RELL1: variants seen among roughly 807,000 people sequenced by gnomAD.
RELL1 encodes the protein RELT-like protein 1.
Under a neutral mutation model 23.0 loss-of-function variants are expected in RELL1, and 10 were observed. That is an observed-to-expected ratio of 0.43 (90% CI 0.27 to 0.74). RELL1 has a LOEUF of 0.74. Ranked by LOEUF, RELL1 falls within the 30% of genes least tolerant of loss-of-function variation. The pLI, the probability that RELL1 is intolerant of heterozygous loss-of-function variation, is 0.19. For missense variants in RELL1, 315 were observed against 364.4 expected, an observed-to-expected ratio of 0.86 and a Z score of 1.10; for synonymous variants, 146 against 146.8, an observed-to-expected ratio of 0.99 and a Z score of 0.04.
At chr4:37,596,748 T>A (rs1339068374) in intron 6 of RELL1, among the ~76,000 whole-genome samples, 174 of 53,490 alleles carry the variant, frequency 3.3e-3, no homozygotes, top group African/African-American at 0.012. Context: ...TTTTTTTTTT[T>A]TTTTTTTTTT....
At chr4:37,604,373 T>C (rs1418790094) in intron 6 of RELL1, among the ~76,000 whole-genome samples, 1 of 152,148 alleles carries the variant, frequency 6.6e-6, no homozygotes, top group African/African-American at 2.4e-5. Flanking sequence ...ATTGGAGGAA[T>C]TCTAACATCC....
At chr4:37,600,459 T>C (rs576390196) in intron 6 of RELL1, among the ~76,000 whole-genome samples, 4 of 152,232 alleles carry the variant, frequency 2.6e-5, no homozygotes, top group African/African-American at 7.2e-5. Context: ...ACCTACATCA[T>C]TAATAATCGT....
At position 37,612,334 on chromosome 4, in the gene RELL1, AAAAAC is replaced by A. The variant is rs1347742038; in HGVS notation, c.*1007_*1011del. On this transcript the variant is annotated 3_prime_UTR_variant, in exon 7 of 7. Transcript: ENST00000454158. Reference sequence around the variant, plus strand: ...CTCAGCTAAAGGTTAAAAAAAAAAAAAAAACAAAAAAAAACAAAAAACCGGGTGCA... The same window carrying A: ...CTCAGCTAAAGGTTAAAAAAAAAAAAAAAAAAAAACAAAAAACCGGGTGCA... Among the ~76,000 whole-genome samples the A allele has an allele frequency of 3.3e-4, 10 of 30,180 alleles. No homozygotes were observed. The highest frequency in any genetic ancestry group is 1.3e-3 in the Non-Finnish European group (7 of 5,268). The allele number at this position is 30,180 out of a possible 152,430, so 19.8% of individuals were successfully genotyped here. A position where few individuals can be genotyped will look rare whatever the true frequency, so the allele number is the denominator to read the frequency against.
At chr4:37,636,594 C>CAA (rs11318273) in intron 4 of RELL1, among the ~76,000 whole-genome samples, 4 of 86,782 alleles carry the variant, frequency 4.6e-5, no homozygotes, top group Admixed American at 2.6e-4. Flanking sequence ...GACTCTGTCT[C>CAA]AAAAAAAAAA....
chr4:37,655,505 C>T (rs1721088330), intron 1 of RELL1, among the ~76,000 whole-genome samples: 1 of 152,120 alleles, frequency 6.6e-6, no homozygotes, highest in African/African-American at 2.4e-5. Context: ...AGCTAAGGGA[C>T]ACCAAAGATT....
downstream of RELL1, chr4:37,590,490 G>C: frequency 6.2e-7 from 1 of 1,613,582 alleles, no homozygotes; most frequent in Non-Finnish European, 8.5e-7. Context: ...CCAGGAAACA[G>C]GACTGTGTGC....
chr4:37,634,768 C>G, intron 5 of RELL1, 119 bp downstream of exon 5: 1 of 888,544 alleles, frequency 1.1e-6, no homozygotes, highest in Non-Finnish European at 1.8e-6. Flanking sequence ...CTAAAAAGCC[C>G]AGAGATATAA....
intron 6 of RELL1, among the ~76,000 whole-genome samples, chr4:37,599,520 A>G (rs1416738217): frequency 6.6e-6 from 1 of 152,216 alleles, no homozygotes; most frequent in African/African-American, 2.4e-5. Flanking sequence ...CACCTTAAGC[A>G]ATTCTAACAA....
At chr4:37,588,182 T>G (rs1718416450), downstream of RELL1, 5 of 152,118 alleles carry the variant, frequency 3.3e-5, 1 homozygote, top group South Asian at 1.0e-3. Flanking sequence ...GGGAAATGAG[T>G]CCACCTTCTG....
At chr4:37,625,837 T>A (rs975320233) in intron 6 of RELL1, among the ~76,000 whole-genome samples, 4 of 152,160 alleles carry the variant, frequency 2.6e-5, no homozygotes, top group Non-Finnish European at 4.4e-5. Flanking sequence ...CCATAATGTA[T>A]GCATGTTTCA....
rs1448323472 is a variant in RELL1, at chr4:37,622,826, CAG to C, written c.*3+8557_*3+8558del. On this transcript the variant is annotated intron_variant, in intron 6 of 6. Transcript: ENST00000454158. ...TTTTTTTTTTTTTTTTTTTCTGAGA[CAG>C]AGTCTTGCTGTTGTCACCCCGGCTG... The C allele has an allele frequency of 2.2e-5, 9 of 416,054 alleles. No homozygotes were observed. The East Asian group carries it at 5.5e-4, about 25-fold the overall frequency. The allele number at this position is 416,054 out of a possible 1,614,324, so 25.8% of individuals were successfully genotyped here. A position where few individuals can be genotyped will look rare whatever the true frequency, so the allele number is the denominator to read the frequency against.
At chr4:37,633,919 G>A (rs1720227462) in intron 5 of RELL1, among the ~76,000 whole-genome samples, 1 of 152,174 alleles carries the variant, frequency 6.6e-6, no homozygotes, top group African/African-American at 2.4e-5. Flanking sequence ...CTCTTCCCAG[G>A]GGGGTTGTCA....
At chr4:37,631,734 A>G (rs1267080222) in intron 5 of RELL1, among the ~76,000 whole-genome samples, 2 of 152,158 alleles carry the variant, frequency 1.3e-5, no homozygotes, top group African/African-American at 4.8e-5. Context: ...ACTCAGCCAC[A>G]TCACAGACTA....
intron 2 of RELL1, 71 bp downstream of exon 2, chr4:37,649,205 A>G: frequency 8.3e-7 from 1 of 1,199,672 alleles, no homozygotes; most frequent in Non-Finnish European, 1.2e-6. Context: ...AGAGATGGAA[A>G]GCATATATCA....
intron 1 of RELL1, among the ~76,000 whole-genome samples, chr4:37,675,321 T>C (rs1320327032): frequency 6.6e-6 from 1 of 152,242 alleles, no homozygotes; most frequent in Non-Finnish European, 1.5e-5. Flanking sequence ...CAAAGCACAT[T>C]TGAGAACAAT....
chr4:37,651,657 A>AC (rs1053518831), intron 1 of RELL1, among the ~76,000 whole-genome samples: 1 of 152,178 alleles, frequency 6.6e-6, no homozygotes, highest in Non-Finnish European at 1.5e-5. Context: ...AAGCCAAGCT[A>AC]CAAGTTAAAT....
chr4:37,625,083 C>T (rs1195663635), intron 6 of RELL1, among the ~76,000 whole-genome samples: 1 of 152,112 alleles, frequency 6.6e-6, no homozygotes, highest in African/African-American at 2.4e-5. Context: ...TTGCCCAAAA[C>T]CATTGGTAGT....
intron 6 of RELL1, among the ~76,000 whole-genome samples, chr4:37,598,284 A>AAAAAAAAAAAAAAAAAAAAAAAAAAAG (rs869260737): frequency 8.5e-6 from 1 of 117,252 alleles, no homozygotes; most frequent in East Asian, 3.1e-4. Context: ...AAAAAAAAAA[A>AAAAAAAAAAAAAAAAAAAAAAAAAAAG]GTTTATAGGA....
intron 5 of RELL1, among the ~76,000 whole-genome samples, chr4:37,632,407 T>TG (rs1720175628): frequency 1.3e-5 from 2 of 152,106 alleles, no homozygotes; most frequent in African/African-American, 2.4e-5. Context: ...CAACCTCAGG[T>TG]GATCCACCTG....
Sources: allele counts gnomAD v4.1 joint callset (sites outside exome capture counted in the v4.1 genomes callset), GRCh38; gene constraint gnomAD v4.1.1; transcripts MANE v1.5; gene names NCBI Gene and HGNC (gene_info 2026-07-23, HGNC 2026-07-21).